Variants in CSRP2 observed in about 807,000 individuals in gnomAD.
The protein encoded by CSRP2 is cysteine and glycine-rich protein 2.
In CSRP2, 18 loss-of-function variants were observed where a neutral mutation model predicts 24.6. That is an observed-to-expected ratio of 0.73 (90% confidence interval 0.51 to 1.09). CSRP2 has a LOEUF of 1.09. Among genes scored for constraint, CSRP2 ranks in the 50% least tolerant of loss-of-function variants. The probability of loss-of-function intolerance (pLI) is 0.00; values close to 1 mark genes in which losing one functional copy is unlikely to be tolerated. For missense variants in CSRP2, 215 were observed against 239.4 expected (o/e 0.90, Z 0.67); for synonymous variants, 87 against 84.3 (o/e 1.03, Z -0.18).
Position 76,860,376 on chromosome 12 carries a change from A to G in CSRP2, c.319T>C (p.Ser107Pro), listed in dbSNP as rs1184910260. The change falls in exon 4 of 6, where the codon TCT becomes CCT. Residue 107 changes from serine to proline, a missense_variant. Transcript: ENST00000311083. The part of the protein sequence containing the change: ...PHRPTTNPNT[S>P]KFAQKYGGAE... Reference sequence around the variant, plus strand: ...CCTCCATATTTCTGAGCAAATTTAGAAGTGTTTGGATTTGTTGTAGGCCTG... The same window carrying G: ...CCTCCATATTTCTGAGCAAATTTAGGAGTGTTTGGATTTGTTGTAGGCCTG... 1 of 1,614,062 alleles carries G rather than the reference A, an allele frequency of 6.2e-7. No individual in the cohort carries two copies. The highest frequency in any genetic ancestry group is 8.5e-7 in the Non-Finnish European group (1 of 1,179,974).
chr12:76,876,088 C>T (rs901321059), intron 1 of CSRP2, among the ~76,000 whole-genome samples: 14 of 152,172 alleles, frequency 9.2e-5, no homozygotes, highest in Non-Finnish European at 2.9e-5. Flanking sequence ...CCTGCACTGC[C>T]GTGTGCTGGA....
At chr12:76,875,928 A>G (rs1953847995) in intron 1 of CSRP2, among the ~76,000 whole-genome samples, 1 of 152,206 alleles carries the variant, frequency 6.6e-6, no homozygotes, top group Admixed American at 6.5e-5. Flanking sequence ...CCAAAATAAA[A>G]TTATCAATTC....
intron 2 of CSRP2, chr12:76,864,335 G>A (rs1953712894): frequency 6.6e-6 from 1 of 152,148 alleles, no homozygotes; most frequent in Admixed American, 6.6e-5. Flanking sequence ...AAGCTCGGAA[G>A]GGTAGGGTGT....
In CSRP2 at chr12:76,863,315, T is replaced by C. The variant is rs151292061; in HGVS notation, c.142A>G (p.Thr48Ala). ...ATCTCTTCATCGTGAATTGCCACTG[T>C]TGTGCTATCTAAATTTTTCCTGCAA... ...MVCRKNLDST[T>A]VAIHDEEIYC... The change falls in exon 3 of 6, where the codon ACA becomes GCA. Residue 48 changes from threonine (T) to alanine (A), a missense_variant. Physicochemically the swap from Thr to Ala is moderately conservative, Grantham distance 58 (BLOSUM62 0). Coordinates refer to ENST00000311083, the MANE Select transcript of CSRP2 (RefSeq NM_001321.3). The C allele has an allele frequency of 4.2e-5, 67 of 1,614,110 alleles. No homozygotes were observed. The highest frequency in any genetic ancestry group is 1.3e-4 in the Admixed American group (8 of 60,004).
intron 5 of CSRP2, 118 bp from the exon 6 acceptor site, chr12:76,859,146 T>TAAA: frequency 1.3e-6 from 1 of 763,886 alleles, no homozygotes; most frequent in Non-Finnish European, 2.2e-6. Flanking sequence ...GAGCTCAACT[T>TAAA]ATTTAAGATG....
rs561225163 is a variant in CSRP2, at chr12:76,870,504, T to C, written c.-1-4243A>G. Among the ~76,000 whole-genome samples, 33 of 152,336 alleles carry C rather than the reference T, an allele frequency of 2.2e-4. 1 individual carries two copies. Among genetic ancestry groups the C allele is most frequent in the Admixed American group, 1.6e-3 (24 of 15,300 alleles). ...AACATTCAACTTACTGTGCAATAAG[T>C]TTCTGGTCCCTTGATGGTGGGGACC... On this transcript the variant is annotated intron_variant, in intron 1 of 5. Coordinates refer to ENST00000311083, the MANE Select transcript of CSRP2 (RefSeq NM_001321.3).
chr12:76,862,653 C>A, intron 3 of CSRP2: 1 of 1,022,282 alleles, frequency 9.8e-7, no homozygotes, highest in Non-Finnish European at 1.3e-6. Flanking sequence ...ACGTTGGCAA[C>A]AAAGCCTTTA....
chr12:76,860,454 C>T lies in CSRP2; in HGVS notation c.282-41G>A, dbSNP rs756486114. ...AAAAAAAAGTAGGCAAGAGTTTCCA[C>T]AGGGCCCTTTTAAGTACACAAGGCA... On this transcript the variant is annotated intron_variant, in intron 3 of 5. Transcript: ENST00000311083. The T allele has an allele frequency of 2.4e-5, 38 of 1,607,038 alleles. No individual in the cohort carries two copies. In the East Asian group the frequency reaches 2.9e-4, roughly 12 times the overall value.
At chr12:76,867,826 G>C (rs1565825149) in intron 1 of CSRP2, among the ~76,000 whole-genome samples, 1 of 152,138 alleles carries the variant, frequency 6.6e-6, no homozygotes, top group Non-Finnish European at 1.5e-5. Flanking sequence ...AAGTAGAAAA[G>C]ATTAAAGAGT....
chr12:76,860,523 G>C, intron 3 of CSRP2, 110 bp from the exon 4 acceptor site: 1 of 1,332,554 alleles, frequency 7.5e-7, no homozygotes, highest in Non-Finnish European at 1.0e-6. Context: ...CTGCCTCAAA[G>C]CTGGAAGCCT....
At chr12:76,869,925 GC>G (rs1953780473) in intron 1 of CSRP2, among the ~76,000 whole-genome samples, 1 of 152,162 alleles carries the variant, frequency 6.6e-6, no homozygotes, top group Admixed American at 6.5e-5. Context: ...AACTGACCTT[GC>G]CCCTTGCCTC....
At chr12:76,860,610 A>G (rs1026593610) in intron 3 of CSRP2, 197 bp from the exon 4 acceptor site, 4 of 504,950 alleles carry the variant, frequency 7.9e-6, no homozygotes, top group Admixed American at 6.7e-5. Context: ...GAACCTATCT[A>G]TGGGCTCATT....
At chr12:76,875,180 GGTCA>G (rs962653235) in intron 1 of CSRP2, among the ~76,000 whole-genome samples, 8 of 152,166 alleles carry the variant, frequency 5.3e-5, no homozygotes, top group Admixed American at 1.3e-4. Context: ...TCCAACTAGC[GGTCA>G]GTAAGTGGTC....
rs1953645873 is a variant in CSRP2, at chr12:76,858,855, G to A, written c.*97C>T. On this transcript the variant is annotated 3_prime_UTR_variant, in exon 6 of 6. Coordinates refer to ENST00000311083, the MANE Select transcript of CSRP2 (RefSeq NM_001321.3). Reference sequence around the variant, plus strand: ...TACAGGGCGATATACAGTACTTAATGCTGGTAGAATTTCACAGTAGTTTAG... The same window carrying A: ...TACAGGGCGATATACAGTACTTAATACTGGTAGAATTTCACAGTAGTTTAG... 4 of 1,134,436 alleles carry A rather than the reference G, an allele frequency of 3.5e-6. No homozygotes were observed. The highest frequency in any genetic ancestry group is 5.3e-6 in the Non-Finnish European group (4 of 754,192). 70.3% of individuals were successfully genotyped at this position (1,134,436 alleles called of 1,614,324 possible).
intron 1 of CSRP2, among the ~76,000 whole-genome samples, chr12:76,872,607 G>A (rs745934366): frequency 6.6e-6 from 1 of 152,200 alleles, no homozygotes; most frequent in African/African-American, 2.4e-5. Context: ...AAAAGCTAGG[G>A]TGTGAGGGCC....
chr12:76,868,857 C>T lies in CSRP2; in HGVS notation c.-1-2596G>A, dbSNP rs189817219. ...CTGAGGCAGGAGAATAGCGTGAACC[C>T]GGGAGGCGGAGCTTGCAGTGAGCCG... On this transcript the variant is annotated intron_variant, in intron 1 of 5. Transcript: ENST00000311083. Among the ~76,000 whole-genome samples, 707 of 150,378 alleles carry T rather than the reference C, an allele frequency of 4.7e-3. 19 individuals carry two copies. The highest frequency in any genetic ancestry group is 0.039 in the Admixed American group (580 of 15,046).
intron 1 of CSRP2, among the ~76,000 whole-genome samples, chr12:76,872,096 CAAATTCTGTTTCT>C (rs1953805813): frequency 6.6e-6 from 1 of 152,158 alleles, no homozygotes; most frequent in Admixed American, 6.6e-5. Context: ...TAAAATAGGG[CAAATTCTGTTTCT>C]CAGTCTTGTT....
At chr12:76,867,910 A>T (rs546183604) in intron 1 of CSRP2, among the ~76,000 whole-genome samples, 1 of 152,304 alleles carries the variant, frequency 6.6e-6, no homozygotes, top group East Asian at 1.9e-4. Flanking sequence ...GAACCTGACA[A>T]TTTCCTGAAC....
Position 76,858,837 on chromosome 12 carries a change from C to G in CSRP2, c.*115G>C, listed in dbSNP as rs1358570106. 1 of 916,686 alleles carries G rather than the reference C, an allele frequency of 1.1e-6. No individual in the cohort carries two copies. The highest frequency in any genetic ancestry group is 1.7e-6 in the Non-Finnish European group (1 of 571,768). The allele number at this position is 916,686 out of a possible 1,614,324, so 56.8% of individuals were successfully genotyped here. A position where few individuals can be genotyped will look rare whatever the true frequency, so the allele number is the denominator to read the frequency against. On this transcript the variant is annotated 3_prime_UTR_variant, in exon 6 of 6. Transcript: ENST00000311083. ...TTAGCCAGCCTATCCAAGTACAGGGCGATATACAGTACTTAATGCTGGTAG... is the reference window on the plus strand; with the variant it reads ...TTAGCCAGCCTATCCAAGTACAGGGGGATATACAGTACTTAATGCTGGTAG...
Sources: allele counts gnomAD v4.1 joint callset (sites outside exome capture counted in the v4.1 genomes callset), GRCh38; gene constraint gnomAD v4.1.1; transcripts MANE v1.5; gene names NCBI Gene and HGNC (gene_info 2026-07-23, HGNC 2026-07-21).